Variants in CTNND2 observed in about 807,000 individuals in gnomAD.
CTNND2 encodes the protein catenin delta 2.
A neutral mutation model predicts 144.4 loss-of-function variants in CTNND2; 22 were observed. The ratio of observed to expected loss-of-function variants is 0.15; its 90% CI spans 0.11 to 0.22. The LOEUF (loss-of-function observed/expected upper bound fraction) is 0.22. CTNND2 is among the 10% of genes least tolerant of loss of function. The probability of loss-of-function intolerance (pLI) is 1.00; values close to 1 mark genes in which losing one functional copy is unlikely to be tolerated. For synonymous variants in CTNND2, 751 were observed against 695.6 expected (o/e 1.08, Z -1.25); for missense variants, 1,353 against 1,618.8 (o/e 0.84, Z 2.82).
intron 9 of CTNND2, among the ~76,000 whole-genome samples, chr5:11,254,882 GC>G (rs1326850306): frequency 8.5e-5 from 13 of 152,064 alleles, no homozygotes; most frequent in Non-Finnish European, 1.6e-4. Context: ...CATTTTGATA[GC>G]CCAGAACATA....
chr5:11,615,115 A>C (rs9312780), intron 2 of CTNND2, among the ~76,000 whole-genome samples: 2,571 of 152,294 alleles, frequency 0.017, 87 homozygotes, highest in African/African-American at 0.059. Flanking sequence ...TGCTGTATTT[A>C]ACATACGAAA....
At chr5:11,446,937 C>T (rs1031888873) in intron 3 of CTNND2, among the ~76,000 whole-genome samples, 4 of 152,086 alleles carry the variant, frequency 2.6e-5, no homozygotes, top group African/African-American at 9.7e-5. Context: ...TTTACTGCTC[C>T]TCTCAACTCT....
intron 1 of CTNND2, among the ~76,000 whole-genome samples, chr5:11,808,573 CA>C (rs1228560590): frequency 2.6e-5 from 4 of 152,210 alleles, no homozygotes; most frequent in African/African-American, 9.6e-5. Flanking sequence ...ATTTCTGTTA[CA>C]ACTACATGGT....
chr5:11,193,143 A>G (rs551260930), intron 11 of CTNND2, among the ~76,000 whole-genome samples: 1 of 152,310 alleles, frequency 6.6e-6, no homozygotes, highest in East Asian at 1.9e-4. Context: ...AGGCACAAGA[A>G]TCCCCCTGGC....
At chr5:11,842,372 G>T (rs73743285) in intron 1 of CTNND2, among the ~76,000 whole-genome samples, 1 of 152,120 alleles carries the variant, frequency 6.6e-6, no homozygotes, top group Non-Finnish European at 1.5e-5. Flanking sequence ...AAACCAAAGT[G>T]CAAGAATAAT....
intron 12 of CTNND2, among the ~76,000 whole-genome samples, chr5:11,137,652 C>T (rs2149728743): frequency 6.6e-6 from 1 of 152,296 alleles, no homozygotes; most frequent in African/African-American, 2.4e-5. Flanking sequence ...TGACTGATGA[C>T]TGCCAGGTCT....
intron 2 of CTNND2, among the ~76,000 whole-genome samples, chr5:11,701,441 T>C (rs1279135581): frequency 1.3e-5 from 2 of 152,222 alleles, no homozygotes; most frequent in African/African-American, 4.8e-5. Context: ...TAGACATCTT[T>C]GACCAAGTAA....
chr5:11,526,030 T>C (rs1200573509), intron 3 of CTNND2, among the ~76,000 whole-genome samples: 1 of 152,116 alleles, frequency 6.6e-6, no homozygotes, highest in East Asian at 1.9e-4. Context: ...CAGCCTCCTA[T>C]GTAGCTGGAA....
chr5:11,066,276 T>A (rs2149603501), intron 16 of CTNND2, among the ~76,000 whole-genome samples: 1 of 152,288 alleles, frequency 6.6e-6, no homozygotes, highest in African/African-American at 2.4e-5. Flanking sequence ...TTGACCTCGT[T>A]ATCCACCCAC....
intron 2 of CTNND2, among the ~76,000 whole-genome samples, chr5:11,581,285 T>A (rs543496707): frequency 1.3e-4 from 19 of 151,686 alleles, no homozygotes; most frequent in South Asian, 6.3e-4. Context: ...CAGCGTTTTA[T>A]GTTCTTCTTG....
intron 3 of CTNND2, among the ~76,000 whole-genome samples, chr5:11,424,692 G>A (rs1436601416): frequency 6.6e-6 from 1 of 152,092 alleles, no homozygotes; most frequent in African/African-American, 2.4e-5. Flanking sequence ...GAGGAAAGTG[G>A]TTTTATACCA....
chr5:11,078,776 A>T (rs995346334), intron 16 of CTNND2, among the ~76,000 whole-genome samples: 12 of 152,186 alleles, frequency 7.9e-5, no homozygotes, highest in African/African-American at 2.9e-4. Context: ...CTGTGCAACG[A>T]AAAAAAGAAA....
At chr5:11,319,639 G>C (rs1751836783) in intron 9 of CTNND2, among the ~76,000 whole-genome samples, 1 of 152,110 alleles carries the variant, frequency 6.6e-6, no homozygotes, top group South Asian at 2.1e-4. Flanking sequence ...TCCTGCCTTA[G>C]CCTCCCAAGC....
chr5:11,194,316 T>C (rs1198127944), intron 11 of CTNND2, among the ~76,000 whole-genome samples: 2 of 152,096 alleles, frequency 1.3e-5, no homozygotes, highest in African/African-American at 2.4e-5. Context: ...AGTAGTCACC[T>C]CTCATTCTCC....
At chr5:11,266,404 C>G (rs923079526) in intron 9 of CTNND2, among the ~76,000 whole-genome samples, 4 of 152,196 alleles carry the variant, frequency 2.6e-5, no homozygotes, top group Admixed American at 2.6e-4. Flanking sequence ...AGACATAAAG[C>G]TGCAGAGTGT....
intron 3 of CTNND2, among the ~76,000 whole-genome samples, chr5:11,493,851 C>T (rs747071626): frequency 3.9e-5 from 6 of 151,976 alleles, no homozygotes; most frequent in Admixed American, 1.3e-4. Context: ...CTAATTTTCT[C>T]TATAAATATT....
At chr5:11,448,061 G>C (rs769512377) in intron 3 of CTNND2, among the ~76,000 whole-genome samples, 1 of 152,164 alleles carries the variant, frequency 6.6e-6, no homozygotes, top group Non-Finnish European at 1.5e-5. Flanking sequence ...AGAATCTTCC[G>C]AGTGGAGGAA....
intron 3 of CTNND2, among the ~76,000 whole-genome samples, chr5:11,490,655 C>A (rs1769300747): frequency 6.6e-6 from 1 of 152,118 alleles, no homozygotes; most frequent in South Asian, 2.1e-4. Context: ...CAGAAACACA[C>A]TATGTTTTAA....
intron 2 of CTNND2, among the ~76,000 whole-genome samples, chr5:11,667,281 C>T (rs1189424535): frequency 6.6e-6 from 1 of 152,130 alleles, no homozygotes; most frequent in Admixed American, 6.6e-5. Context: ...GGTATATACC[C>T]ACTAATGGGA....
Sources: gnomAD v4.1 joint callset for allele counts (sites outside exome capture counted in the v4.1 genomes callset) on GRCh38, gnomAD v4.1.1 for gene constraint, MANE v1.5 for transcripts, NCBI Gene and HGNC (gene_info 2026-07-23, HGNC 2026-07-21) for gene names.